Variants in AHCY observed in about 807,000 individuals in gnomAD.
AHCY encodes the protein S-adenosyl-L-homocysteine hydrolase.
In AHCY, 24 loss-of-function variants were observed where a neutral mutation model predicts 45.4. That is an observed-to-expected ratio of 0.53 (90% CI 0.38 to 0.74). The LOEUF (loss-of-function observed/expected upper bound fraction) is 0.74. Among genes scored for constraint, AHCY ranks in the 30% least tolerant of loss-of-function variants. The probability of loss-of-function intolerance (pLI) is 0.00; values close to 1 mark genes in which losing one functional copy is unlikely to be tolerated. For synonymous variants in AHCY, 245 were observed against 235.1 expected (o/e 1.04, Z -0.39); for missense variants, 449 against 594.1 (o/e 0.76, Z 2.54).
chr20:34,303,639 G>A (rs752857195), upstream of AHCY, among the ~76,000 whole-genome samples: 21 of 152,234 alleles, frequency 1.4e-4, no homozygotes, highest in Non-Finnish European at 2.9e-4. Context: ...TCACTTCCCT[G>A]TGCCTCAATT....
intron 1 of AHCY, chr20:34,302,799 C>T (rs1456403780): frequency 3.0e-6 from 3 of 1,011,000 alleles, no homozygotes; most frequent in Admixed American, 6.0e-5. Flanking sequence ...CTCATACACC[C>T]TCCGGGGTGC....
the AHCY span, among the ~76,000 whole-genome samples, chr20:34,235,429 G>A: frequency 1.3e-5 from 2 of 152,104 alleles, no homozygotes; most frequent in Non-Finnish European, 2.9e-5. Flanking sequence ...GACACAGTGA[G>A]ACTCCATCTC....
Position 34,291,540 on chromosome 20 carries a change from G to C in AHCY, c.446-9C>G, listed in dbSNP as rs1473259947. 6.2e-7 allele frequency: 1 copy of C among 1,611,550 alleles called. No individual in the cohort carries two copies. The highest frequency in any genetic ancestry group is 2.2e-5 in the East Asian group (1 of 44,870). ...AGAGATGCCTCGGATGCCTAAACAA[G>C]AGGGGACAGGACAAGCCTCAGAGAT... is the stretch of plus-strand genomic sequence containing the variant. On this transcript the variant is annotated splice_polypyrimidine_tract_variant and intron_variant, in intron 4 of 9. Coordinates refer to ENST00000217426, the MANE Select transcript of AHCY (RefSeq NM_000687.4).
intron 5 of AHCY, 55 bp downstream of exon 5, chr20:34,291,364 C>G: frequency 6.7e-7 from 1 of 1,500,350 alleles, no homozygotes; most frequent in Non-Finnish European, 9.3e-7. Context: ...TCTTCAGAGG[C>G]CTCGTCCTGA....
intron 1 of AHCY, chr20:34,301,728 G>T: frequency 1.2e-6 from 1 of 804,764 alleles, no homozygotes; most frequent in Non-Finnish European, 1.5e-6. Flanking sequence ...CCCCATTCCA[G>T]CTCTACTATT....
At chr20:34,269,236 C>T in the AHCY span, 23 of 1,422,960 alleles carry the variant, frequency 1.6e-5, no homozygotes, top group Middle Eastern at 2.6e-4. Context: ...GCGGGTGATC[C>T]CTAACAGGGC....
chr20:34,280,722 G>T lies in AHCY; in HGVS notation c.*312C>A. On this transcript the variant is annotated 3_prime_UTR_variant, in exon 10 of 10. Coordinates refer to ENST00000217426, the MANE Select transcript of AHCY (RefSeq NM_000687.4). The stretch of plus-strand genomic sequence containing the variant: ...CTAGATGGCAAAACACATGGGCTTT[G>T]TGACTCCACTACTGACTTCCAGGCT... The T allele has an allele frequency of 2.3e-6, 1 of 427,734 alleles. No homozygotes were observed. The highest frequency in any genetic ancestry group is 2.1e-5 in the South Asian group (1 of 47,152). The allele number at this position is 427,734 out of a possible 1,614,324, so 26.5% of individuals were successfully genotyped here. A position where few individuals can be genotyped will look rare whatever the true frequency, so the allele number is the denominator to read the frequency against.
the AHCY span, among the ~76,000 whole-genome samples, chr20:34,248,357 A>C: frequency 1.3e-5 from 2 of 152,194 alleles, no homozygotes; most frequent in East Asian, 3.8e-4. Context: ...TTAGCTAAAA[A>C]CTAAAACCAC....
At chr20:34,291,036 G>A in intron 5 of AHCY, 98 bp from the exon 6 acceptor site, 2 of 1,212,872 alleles carry the variant, frequency 1.6e-6, no homozygotes, top group South Asian at 1.3e-5. Flanking sequence ...AGGCATCATG[G>A]GCCCACCAAG....
chr20:34,293,211 A>C (rs1185214492), intron 3 of AHCY, among the ~76,000 whole-genome samples: 1 of 151,888 alleles, frequency 6.6e-6, no homozygotes, highest in Non-Finnish European at 1.5e-5. Flanking sequence ...CACTTGGGCC[A>C]CTCTAAATGA....
Position 34,295,524 on chromosome 20 carries a change from C to T in AHCY, c.90G>A (p.Pro30=), listed in dbSNP as rs774451358. 1.4e-5 allele frequency: 23 copies of T among 1,614,006 alleles called. No individual in the cohort carries two copies. Among genetic ancestry groups the T allele is most frequent in the Admixed American group, 5.0e-5 (3 of 60,004 alleles). ...KALDIAENEM[P]GLMRMRERYS... ...ACCGCTCCCGCATACGCATCAGGCC[C>T]GGCATCTCGTTCTCAGCAATGTCCA... Residue 30 remains proline (P), a synonymous_variant, in exon 2 of 10, where the codon CCG becomes CCA. Coordinates refer to ENST00000217426, the MANE Select transcript of AHCY (RefSeq NM_000687.4).
the AHCY span, among the ~76,000 whole-genome samples, chr20:34,263,928 A>G: frequency 1.3e-5 from 2 of 151,922 alleles, no homozygotes; most frequent in Non-Finnish European, 2.9e-5. Context: ...GCCTCAGCCT[A>G]CCAAAGTGCT....
the AHCY span, among the ~76,000 whole-genome samples, chr20:34,241,975 C>T: frequency 6.6e-6 from 1 of 152,120 alleles, no homozygotes; most frequent in Non-Finnish European, 1.5e-5. Flanking sequence ...TGCAGACTCT[C>T]CTTTTCCTTT....
At chr20:34,232,427 T>C in the AHCY span, among the ~76,000 whole-genome samples, 1 of 152,188 alleles carries the variant, frequency 6.6e-6, no homozygotes, top group African/African-American at 2.4e-5. Context: ...TTGATTAATC[T>C]GATTAGTAGA....
chr20:34,275,071 G>A, the AHCY span, among the ~76,000 whole-genome samples: 1 of 151,688 alleles, frequency 6.6e-6, no homozygotes, highest in Non-Finnish European at 1.5e-5. Flanking sequence ...AGTCTTGGGG[G>A]CGAATCCAGT....
At chr20:34,234,037 AGAGTCCCTT>A in the AHCY span, among the ~76,000 whole-genome samples, 1 of 152,236 alleles carries the variant, frequency 6.6e-6, no homozygotes, top group East Asian at 1.9e-4. Context: ...TCAGAAACAC[AGAGTCCCTT>A]ACTTTGTGCC....
In AHCY at chr20:34,290,230, C is replaced by G. The variant is rs978284012; in HGVS notation, c.972+102G>C. ...TGCTAGGCCCTCTTCTCCCCATCCC[C>G]CTGCACAGGTTGCCACCATCTCCTC... is the stretch of plus-strand genomic sequence containing the variant. On this transcript the variant is annotated intron_variant, in intron 8 of 9. Coordinates refer to ENST00000217426, the MANE Select transcript of AHCY (RefSeq NM_000687.4). The surrounding 1 kb of genome is among the most constrained non-coding windows in gnomAD (Gnocchi z 4.5). The G allele has an allele frequency of 3.6e-5, 41 of 1,137,598 alleles. No individual in the cohort carries two copies. Among genetic ancestry groups the G allele is most frequent in the Non-Finnish European group, 5.4e-5 (41 of 756,738 alleles). 70.5% of individuals were successfully genotyped at this position (1,137,598 alleles called of 1,614,324 possible).
the AHCY span, among the ~76,000 whole-genome samples, chr20:34,232,810 T>C: frequency 6.6e-6 from 1 of 152,228 alleles, no homozygotes; most frequent in Non-Finnish European, 1.5e-5. Flanking sequence ...TGAGTTTCTC[T>C]GTTTTAATAG....
the AHCY span, among the ~76,000 whole-genome samples, chr20:34,234,528 T>C: frequency 4.6e-5 from 7 of 152,120 alleles, no homozygotes; most frequent in South Asian, 2.1e-4. Flanking sequence ...TTCCTTCCTT[T>C]CTTTCCTTTC....
Sources: allele counts gnomAD v4.1 joint callset (sites outside exome capture counted in the v4.1 genomes callset), GRCh38; gene constraint gnomAD v4.1.1; non-coding constraint Gnocchi (gnomAD v3.1); transcripts MANE v1.5; gene names NCBI Gene and HGNC (gene_info 2026-07-23, HGNC 2026-07-21).